ZNRF2: variants seen among roughly 807,000 people sequenced by gnomAD.
The protein encoded by ZNRF2 is E3 ubiquitin-protein ligase ZNRF2.
Under a neutral mutation model 20.4 loss-of-function variants are expected in ZNRF2, and 16 were observed. That is an observed-to-expected ratio of 0.79 (90% CI 0.53 to 1.19). The LOEUF (loss-of-function observed/expected upper bound fraction) is 1.19, where lower values mean the gene tolerates loss of function less well. Among genes scored for constraint, ZNRF2 ranks in the 50% most tolerant of loss-of-function variants. The pLI is 0.00. For missense variants in ZNRF2, 363 were observed against 332.4 expected (o/e 1.09, Z -0.72); for synonymous variants, 178 against 144.9 (o/e 1.23, Z -1.64).
At chr7:30,343,808 T>C (rs1357554005) in intron 2 of ZNRF2, among the ~76,000 whole-genome samples, 2 of 152,034 alleles carry the variant, frequency 1.3e-5, no homozygotes, top group African/African-American at 4.8e-5. Context: ...TGTTTGTTTT[T>C]GTTGGTTTAG....
At chr7:30,330,324 C>T (rs999622226) in intron 2 of ZNRF2, among the ~76,000 whole-genome samples, 1 of 152,104 alleles carries the variant, frequency 6.6e-6, no homozygotes, top group African/African-American at 2.4e-5. Context: ...ACTCTATGGA[C>T]AGAGCAAGAT....
chr7:30,312,375 G>A (rs915425668), intron 1 of ZNRF2, among the ~76,000 whole-genome samples: 98 of 152,110 alleles, frequency 6.4e-4, no homozygotes, highest in African/African-American at 2.2e-3. Flanking sequence ...GTGTTTGTGC[G>A]TTCATGTGCA....
chr7:30,329,654 G>A (rs1027424023), intron 2 of ZNRF2, among the ~76,000 whole-genome samples: 1 of 152,136 alleles, frequency 6.6e-6, no homozygotes, highest in Admixed American at 6.5e-5. Flanking sequence ...TTGCATGGCT[G>A]AATAATATTC....
At chr7:30,354,845 G>T (rs1800012574) in intron 2 of ZNRF2, among the ~76,000 whole-genome samples, 1 of 151,946 alleles carries the variant, frequency 6.6e-6, no homozygotes, top group Non-Finnish European at 1.5e-5. Context: ...GTTTTATTCT[G>T]CATTTAAAAA....
intron 2 of ZNRF2, among the ~76,000 whole-genome samples, chr7:30,347,659 G>C (rs866122378): frequency 4.3e-4 from 66 of 152,054 alleles, no homozygotes; most frequent in African/African-American, 1.4e-3. Flanking sequence ...GCTGCAGTGA[G>C]CTGAGATTGT....
At chr7:30,357,437 A>G (rs757391160) in intron 3 of ZNRF2, among the ~76,000 whole-genome samples, 4 of 152,250 alleles carry the variant, frequency 2.6e-5, no homozygotes, top group Non-Finnish European at 4.4e-5. Flanking sequence ...ACTGAATAAC[A>G]GTGATGTTTT....
At chr7:30,292,657 A>G (rs1798932225) in intron 1 of ZNRF2, among the ~76,000 whole-genome samples, 1 of 152,084 alleles carries the variant, frequency 6.6e-6, no homozygotes, top group Non-Finnish European at 1.5e-5. Context: ...ACAAGGTGAC[A>G]ATTCAAGCAG....
Position 30,285,774 on chromosome 7 carries a change from G to C in ZNRF2, c.417G>C (p.Pro139=), listed in dbSNP as rs1211965754. 2 of 1,495,056 alleles carry C rather than the reference G, an allele frequency of 1.3e-6. No homozygotes were observed. Among genetic ancestry groups the C allele is most frequent in the Non-Finnish European group, 1.8e-6 (2 of 1,129,768 alleles). 92.6% of individuals were successfully genotyped at this position (1,495,056 alleles called of 1,614,324 possible). The stretch of plus-strand genomic sequence containing the variant: ...CGGTGGGCGGGAGCCCCGGCGGGCC[G>C]CGCCTGGTGATCGGCTCCTTACCAG... ...DRPVGGSPGG[P]RLVIGSLPAH... Residue 139 remains proline, a synonymous_variant, in exon 1 of 5, where the codon CCG becomes CCC. Transcript: ENST00000323037.
rs1161510140 is a variant in ZNRF2 at position 30,295,014 on chromosome 7, G to GGAGAGAGAGAGAGAGAGA, written c.469+9208_469+9225dup. ...GGGACAGAGAGAGAGAGGGAGGGAAGGAGAGAGAGAGAGAGAGAGAGAGAG... is the reference window on the plus strand; with the variant it reads ...GGGACAGAGAGAGAGAGGGAGGGAAGGAGAGAGAGAGAGAGAGAGAGAGAGAGAGAGAGAGAGAGAGAG... On this transcript the variant is annotated intron_variant, in intron 1 of 4. Transcript: ENST00000323037. 5.9e-4 allele frequency among the ~76,000 whole-genome samples: 15 copies of GGAGAGAGAGAGAGAGAGA among 25,220 alleles called. 1 individual carries two copies. The highest frequency in any genetic ancestry group is 1.1e-3 in the East Asian group (1 of 878). 16.5% of individuals were successfully genotyped at this position (25,220 alleles called of 152,430 possible).
intron 1 of ZNRF2, among the ~76,000 whole-genome samples, chr7:30,321,739 A>AT (rs1409668088): frequency 6.6e-6 from 1 of 152,114 alleles, no homozygotes; most frequent in African/African-American, 2.4e-5. Flanking sequence ...AGGGAAGCAA[A>AT]TTTTTTAAGT....
chr7:30,362,421 A>G lies in ZNRF2; in HGVS notation c.716A>G (p.His239Arg). The G allele has an allele frequency of 6.3e-7, 1 of 1,599,894 alleles. No homozygotes were observed. Among genetic ancestry groups the G allele is most frequent in the Non-Finnish European group, 8.5e-7 (1 of 1,171,066 alleles). ...WFEVNRSCPE[H>R]PSD ...GAAGTAAATAGATCTTGCCCTGAGC[A>G]CCCTTCAGATTAAGCGTCAGCTTCC... Residue 239 changes from histidine to arginine, a missense_variant, in exon 4 of 5, where the codon CAC becomes CGC. Coordinates refer to ENST00000323037, the MANE Select transcript of ZNRF2 (RefSeq NM_147128.4).
At chr7:30,347,248 A>G (rs1799892863) in intron 2 of ZNRF2, among the ~76,000 whole-genome samples, 1 of 152,226 alleles carries the variant, frequency 6.6e-6, no homozygotes, top group Non-Finnish European at 1.5e-5. Flanking sequence ...AATAGAAAAA[A>G]ATAGAATGAA....
At chr7:30,324,560 GA>G (rs57509036) in intron 2 of ZNRF2, among the ~76,000 whole-genome samples, 2 of 142,764 alleles carry the variant, frequency 1.4e-5, no homozygotes, top group African/African-American at 5.2e-5. Context: ...AAAAAAAAAA[GA>G]AAAAAAAACA....
At chr7:30,354,111 G>A (rs971045957) in intron 2 of ZNRF2, among the ~76,000 whole-genome samples, 3 of 151,982 alleles carry the variant, frequency 2.0e-5, no homozygotes, top group African/African-American at 7.3e-5. Context: ...AAAAGGCATG[G>A]GGTGCAGGAT....
intron 4 of ZNRF2, among the ~76,000 whole-genome samples, 159 bp from the exon 5 acceptor site, chr7:30,365,876 G>A (rs961418958): frequency 1.3e-5 from 2 of 152,028 alleles, no homozygotes; most frequent in Non-Finnish European, 2.9e-5. Flanking sequence ...GGATGACTTT[G>A]TTATGTATTT....
rs532515188 is a variant in ZNRF2 at position 30,355,022 on chromosome 7, T to G, written c.566-706T>G. 1.5e-3 allele frequency among the ~76,000 whole-genome samples: 224 copies of G among 152,276 alleles called. 2 individuals are homozygous for G. The highest frequency in any genetic ancestry group is 3.9e-3 in the Admixed American group (59 of 15,292). ...ATTTGCATTATAAAGAGATTTACCC[T>G]TGAAGATTTTAAGCACACCATAGAG... On this transcript the variant is annotated intron_variant, in intron 2 of 4. Transcript: ENST00000323037.
chr7:30,360,146 T>C (rs190270911), intron 3 of ZNRF2, among the ~76,000 whole-genome samples: 26 of 152,318 alleles, frequency 1.7e-4, no homozygotes, highest in Admixed American at 3.9e-4. Context: ...AGTGCTACTA[T>C]TCAAAGTACA....
At chr7:30,347,096 C>G (rs1172118775) in intron 2 of ZNRF2, among the ~76,000 whole-genome samples, 1 of 151,980 alleles carries the variant, frequency 6.6e-6, no homozygotes, top group African/African-American at 2.4e-5. Flanking sequence ...TAGTAGGTGC[C>G]TATTTAAATT....
Position 30,285,417 on chromosome 7 carries a change from C to G in ZNRF2, c.60C>G (p.Gly20=). The G allele has an allele frequency of 8.0e-7, 1 of 1,249,182 alleles. No individual in the cohort carries two copies. The highest frequency in any genetic ancestry group is 1.0e-6 in the Non-Finnish European group (1 of 981,320). 77.4% of individuals were successfully genotyped at this position (1,249,182 alleles called of 1,614,324 possible). A position where few individuals can be genotyped will look rare whatever the true frequency, so the allele number is the denominator to read the frequency against. ...ACGGCCGCACGCGCGCGTACTCGGG[C>G]TCGGATCTACCTTCCAGTAGCAGCG... ...AANGRTRAYS[G]SDLPSSSSGG... The change falls in exon 1 of 5, where the codon GGC becomes GGG. Residue 20 remains glycine (G), a synonymous_variant. Coordinates refer to ENST00000323037, the MANE Select transcript of ZNRF2 (RefSeq NM_147128.4).
Sources: allele counts gnomAD v4.1 joint callset (sites outside exome capture counted in the v4.1 genomes callset), GRCh38; gene constraint gnomAD v4.1.1; transcripts MANE v1.5; gene names NCBI Gene and HGNC (gene_info 2026-07-23, HGNC 2026-07-21).